PREX1: variants seen among roughly 807,000 people sequenced by gnomAD.
PREX1 encodes the protein phosphatidylinositol-3,4,5-trisphosphate dependent Rac exchange factor 1, also known as phosphatidylinositol 3,4,5-trisphosphate-dependent Rac exchanger 1 protein.
Under a neutral mutation model 198.3 loss-of-function variants are expected in PREX1, and 41 were observed. The ratio of observed to expected loss-of-function variants is 0.21; its 90% CI spans 0.16 to 0.27. The LOEUF is 0.27. Among genes scored for constraint, PREX1 ranks in the 10% least tolerant of loss-of-function variants. PREX1 has a pLI of 1.00. For synonymous variants in PREX1, 843 were observed against 887.2 expected (o/e 0.95, Z 0.89); for missense variants, 1,620 against 2,200.7 (o/e 0.74, Z 5.28).
In PREX1 at chr20:48,700,776, G is replaced by C. The variant is rs766990645; in HGVS notation, c.894C>G (p.Leu298=). Residue 298 remains leucine (L), a synonymous_variant, in exon 7 of 40, where the codon CTC becomes CTG. Coordinates refer to ENST00000371941, the MANE Select transcript of PREX1 (RefSeq NM_020820.4). ...ACCTGGATTTCCGCTTGCAGTAGAC[G>C]AGAAGGTTGTCGAAGAGGAAGAAGG... ...ERAFFLFDNL[L]VYCKRKSRVT... The C allele has an allele frequency of 2.0e-5, 32 of 1,613,426 alleles. 1 individual carries two copies. The South Asian group carries it at 2.7e-4, about 14-fold the overall frequency.
At chr20:48,631,693 C>G (rs1188653959) in intron 35 of PREX1, among the ~76,000 whole-genome samples, 2 of 152,160 alleles carry the variant, frequency 1.3e-5, no homozygotes, top group South Asian at 4.1e-4. Context: ...TCTTAATTCT[C>G]GGCCTGCCTC....
intron 1 of PREX1, among the ~76,000 whole-genome samples, chr20:48,759,599 C>A (rs1416084850): frequency 1.3e-5 from 2 of 149,752 alleles, no homozygotes; most frequent in Non-Finnish European, 3.0e-5. Context: ...ATACTACAGG[C>A]AAAGCATTTA....
At chr20:48,753,078 G>A (rs1346339090) in intron 1 of PREX1, among the ~76,000 whole-genome samples, 1 of 152,134 alleles carries the variant, frequency 6.6e-6, no homozygotes. Context: ...ATAAGAGAAG[G>A]ACCAGAGAGA....
chr20:48,664,135 G>C (rs573636023), intron 15 of PREX1, among the ~76,000 whole-genome samples: 69 of 152,360 alleles, frequency 4.5e-4, no homozygotes, highest in African/African-American at 1.6e-3. Flanking sequence ...AGCACTTTGG[G>C]AAGCCAAGGC....
chr20:48,709,015 C>T lies in PREX1; in HGVS notation c.622-594G>A, dbSNP rs183017845. Among the ~76,000 whole-genome samples, 328 of 152,194 alleles carry T rather than the reference C, an allele frequency of 2.2e-3. 2 individuals are homozygous for T. Among genetic ancestry groups the T allele is most frequent in the African/African-American group, 7.6e-3 (316 of 41,490 alleles). ...AAGTGGCTCTTAATCCATGAGAAGC[C>T]CCCTGCCCCCACCGTTTCCCACTGC... On this transcript the variant is annotated intron_variant, in intron 5 of 39. Transcript: ENST00000371941.
chr20:48,626,904 AAAC>A (rs1295670397), intron 39 of PREX1, among the ~76,000 whole-genome samples: 15 of 152,228 alleles, frequency 9.9e-5, no homozygotes, highest in African/African-American at 3.6e-4. Context: ...GATCAGACGG[AAAC>A]AACGTCATGA....
intron 32 of PREX1, among the ~76,000 whole-genome samples, chr20:48,635,758 A>T (rs919433623): frequency 3.3e-5 from 5 of 152,274 alleles, no homozygotes; most frequent in African/African-American, 1.2e-4. Context: ...CCCAACTAGG[A>T]AGTCAGCTTC....
chr20:48,641,355 T>C (rs1162958831), intron 29 of PREX1, among the ~76,000 whole-genome samples: 1 of 152,232 alleles, frequency 6.6e-6, no homozygotes, highest in African/African-American at 2.4e-5. Context: ...TTATGGTTTA[T>C]CATCAAATTT....
At position 48,625,001 on chromosome 20, in the gene PREX1, A is replaced by T. The variant is rs1465047153; in HGVS notation, c.*884T>A. ...ACGACACCTTACAACCCTAATATTAACAAACAGGAAACAATGACATTTTTT... is the reference window on the plus strand; with the variant it reads ...ACGACACCTTACAACCCTAATATTATCAAACAGGAAACAATGACATTTTTT... On this transcript the variant is annotated 3_prime_UTR_variant, in exon 40 of 40. Coordinates refer to ENST00000371941, the MANE Select transcript of PREX1 (RefSeq NM_020820.4). 6.6e-6 allele frequency: 1 copy of T among 152,516 alleles called. No homozygotes were observed. The highest frequency in any genetic ancestry group is 1.5e-5 in the Non-Finnish European group (1 of 68,042). 9.4% of individuals were successfully genotyped at this position (152,516 alleles called of 1,614,324 possible).
intron 36 of PREX1, among the ~76,000 whole-genome samples, 161 bp downstream of exon 36, chr20:48,630,567 C>CTATCA (rs1415817750): frequency 1.3e-5 from 2 of 152,172 alleles, no homozygotes; most frequent in African/African-American, 4.8e-5. Flanking sequence ...GGGGAGGAAG[C>CTATCA]TATCATGGGA....
intron 4 of PREX1, among the ~76,000 whole-genome samples, chr20:48,733,745 GT>G (rs772618727): frequency 4.7e-5 from 4 of 85,070 alleles, no homozygotes; most frequent in Non-Finnish European, 8.0e-5. Context: ...CAGTTTTTGG[GT>G]TTTTTTGTTT....
At chr20:48,695,936 C>T (rs537324163) in intron 7 of PREX1, among the ~76,000 whole-genome samples, 25 of 152,288 alleles carry the variant, frequency 1.6e-4, no homozygotes, top group Admixed American at 5.9e-4. Context: ...TCCAATAAAA[C>T]TTTATTGACA....
intron 7 of PREX1, among the ~76,000 whole-genome samples, chr20:48,697,166 G>A (rs2089851108): frequency 6.6e-6 from 1 of 152,122 alleles, no homozygotes; most frequent in Non-Finnish European, 1.5e-5. Context: ...AAAGATATAT[G>A]TATTTGTATT....
chr20:48,737,120 ATGT>A (rs1259527607), intron 3 of PREX1, among the ~76,000 whole-genome samples: 1 of 148,696 alleles, frequency 6.7e-6, no homozygotes, highest in African/African-American at 2.5e-5. Flanking sequence ...TTGCTTAATA[ATGT>A]TGTTGCTATT....
At chr20:48,887,420 A>T in the PREX1 span, among the ~76,000 whole-genome samples, 1 of 151,956 alleles carries the variant, frequency 6.6e-6, no homozygotes, top group Non-Finnish European at 1.5e-5. Context: ...AACATGGTTG[A>T]CTCAGCCTGG....
intron 1 of PREX1, among the ~76,000 whole-genome samples, chr20:48,826,006 C>T (rs1424568917): frequency 6.6e-6 from 1 of 151,978 alleles, no homozygotes. Context: ...CCCCCTGCCC[C>T]CAGTACATCT....
rs531342867 is a variant in PREX1, at chr20:48,776,050, G to A, written c.220-28170C>T. On this transcript the variant is annotated intron_variant, in intron 1 of 39. Transcript: ENST00000371941. ...TCACATCTAACAAGCAGGGGGAAGA[G>A]ACAAGCATCACATCCTCACCAATGG... Among the ~76,000 whole-genome samples the A allele has an allele frequency of 9.9e-4, 151 of 152,238 alleles. 1 individual carries two copies. Among genetic ancestry groups the A allele is most frequent in the African/African-American group, 3.4e-3 (143 of 41,536 alleles).
At chr20:48,874,995 G>C in the PREX1 span, among the ~76,000 whole-genome samples, 1 of 152,192 alleles carries the variant, frequency 6.6e-6, no homozygotes, top group East Asian at 1.9e-4. Context: ...AGAGAGCTCA[G>C]CCAGAAGCTA....
intron 1 of PREX1, among the ~76,000 whole-genome samples, chr20:48,796,700 T>C (rs979660852): frequency 2.0e-5 from 3 of 150,768 alleles, no homozygotes; most frequent in South Asian, 2.1e-4. Context: ...ATATATAACA[T>C]AGATGTGATA....
Sources: allele counts gnomAD v4.1 joint callset (sites outside exome capture counted in the v4.1 genomes callset), GRCh38; gene constraint gnomAD v4.1.1; transcripts MANE v1.5; gene names NCBI Gene and HGNC (gene_info 2026-07-23, HGNC 2026-07-21).